Variants in LCOR observed in about 807,000 individuals in gnomAD.
LCOR encodes the protein ligand dependent nuclear receptor corepressor.
LCOR carries 14 observed loss-of-function variants against 64.4 expected under a neutral mutation model. The observed-to-expected ratio is 0.22, with a 90% confidence interval of 0.14 to 0.34. LCOR has a LOEUF of 0.34. Among genes scored for constraint, LCOR ranks in the 10% least tolerant of loss-of-function variants. LCOR has a pLI of 1.00. For synonymous variants in LCOR, 643 were observed against 642.5 expected, an observed-to-expected ratio of 1.00 and a Z score of -0.01; for missense variants, 1,686 against 1,765.3, an observed-to-expected ratio of 0.96 and a Z score of 0.80.
intron 5 of LCOR, 130 bp from the exon 6 acceptor site, chr10:96,948,878 T>G: frequency 1.7e-6 from 1 of 605,294 alleles, no homozygotes; most frequent in Non-Finnish European, 2.7e-6. Flanking sequence ...AAAACATAAG[T>G]CAAAGGGGAG....
rs892486565 is a variant in LCOR at position 96,990,474 on chromosome 10, A to G, written c.*5340A>G. 5.9e-5 allele frequency: 9 copies of G among 152,002 alleles called. No individual in the cohort carries two copies. Among genetic ancestry groups the G allele is most frequent in the Non-Finnish European group, 8.8e-5 (6 of 68,008 alleles). The allele number at this position is 152,002 out of a possible 1,614,324, so 9.4% of individuals were successfully genotyped here. A position where few individuals can be genotyped will look rare whatever the true frequency, so the allele number is the denominator to read the frequency against. On this transcript the variant is annotated 3_prime_UTR_variant, in exon 8 of 8. Transcript: ENST00000421806. ...GAAGTCTTTTGAGGCAGCCTTCAAT[A>G]TAATTCATCCTTTGAAACATCAGAA...
chr10:96,892,320 CTT>C (rs911921466), intron 2 of LCOR, among the ~76,000 whole-genome samples: 4 of 152,188 alleles, frequency 2.6e-5, no homozygotes, highest in South Asian at 2.1e-4. Flanking sequence ...TTGATTGACT[CTT>C]ATCATTATAT....
chr10:96,961,601 G>T (rs1312860949), intron 7 of LCOR: 5 of 151,278 alleles, frequency 3.3e-5, no homozygotes, highest in African/African-American at 1.2e-4. Flanking sequence ...TCCTTGTTCT[G>T]CATAATTGCA....
chr10:96,963,308 TAGCC>T (rs1243283285), intron 7 of LCOR: 2 of 152,242 alleles, frequency 1.3e-5, no homozygotes, highest in Non-Finnish European at 2.9e-5. Flanking sequence ...ATGCCACTAA[TAGCC>T]AGCACAACTA....
At chr10:96,908,491 ACTT>A (rs752560409) in intron 4 of LCOR, among the ~76,000 whole-genome samples, 115 of 152,164 alleles carry the variant, frequency 7.6e-4, no homozygotes, top group African/African-American at 1.4e-3. Context: ...ACTTTAAGAC[ACTT>A]CTTCATAATA....
chr10:96,881,859 T>C (rs1286859899), intron 2 of LCOR, among the ~76,000 whole-genome samples: 3 of 152,368 alleles, frequency 2.0e-5, no homozygotes, highest in African/African-American at 2.4e-5. Context: ...CCATGTGATC[T>C]GTCTTCCATT....
chr10:96,894,347 G>A (rs1846501487), intron 2 of LCOR, among the ~76,000 whole-genome samples: 3 of 152,148 alleles, frequency 2.0e-5, no homozygotes, highest in Non-Finnish European at 2.9e-5. Flanking sequence ...AAAGTGCTGG[G>A]ATTATAGGCA....
chr10:96,901,591 C>G (rs1846638569), intron 2 of LCOR, among the ~76,000 whole-genome samples: 1 of 152,156 alleles, frequency 6.6e-6, no homozygotes, highest in African/African-American at 2.4e-5. Flanking sequence ...TTGTTTCCTT[C>G]TAAATTTTTA....
At chr10:96,834,183 CTG>C (rs1845400158) in intron 2 of LCOR, among the ~76,000 whole-genome samples, 1 of 152,352 alleles carries the variant, frequency 6.6e-6, no homozygotes, top group South Asian at 2.1e-4. Flanking sequence ...AGGATTTAGA[CTG>C]TAACACCGAA....
rs1485117847 is a variant in LCOR at position 96,993,617 on chromosome 10, T to A, written c.*8483T>A. 1 of 152,006 alleles carries A rather than the reference T, an allele frequency of 6.6e-6. No homozygotes were observed. Among genetic ancestry groups the A allele is most frequent in the Non-Finnish European group, 1.5e-5 (1 of 68,010 alleles). The allele number at this position is 152,006 out of a possible 1,614,324, so 9.4% of individuals were successfully genotyped here. ...TATATTTTGAGCAGTGGACTTCCTTTCATAACACAGTTCACACATGGAGAA... is the reference window on the plus strand; with the variant it reads ...TATATTTTGAGCAGTGGACTTCCTTACATAACACAGTTCACACATGGAGAA... On this transcript the variant is annotated 3_prime_UTR_variant, in exon 8 of 8. Transcript: ENST00000421806.
chr10:96,981,365 A>C lies in LCOR; in HGVS notation c.905A>C (p.Asn302Thr). ...TTGQEQDTNV[N>T]ICEDGKDHMQ... is the part of the protein sequence containing the mutation. The stretch of plus-strand genomic sequence containing the variant: ...GGACAAGAGCAAGACACAAATGTGA[A>C]CATATGTGAGGATGGTAAAGACCAT... The change falls in exon 8 of 8, where the codon AAC becomes ACC. Residue 302 changes from asparagine (N) to threonine (T), a missense_variant. Transcript: ENST00000421806. The C allele has an allele frequency of 6.2e-7, 1 of 1,614,096 alleles. No individual in the cohort carries two copies. The highest frequency in any genetic ancestry group is 8.5e-7 in the Non-Finnish European group (1 of 1,180,030).
At chr10:96,849,061 C>CTTTTTTTTTTT (rs67974828) in intron 2 of LCOR, among the ~76,000 whole-genome samples, 2 of 33,836 alleles carry the variant, frequency 5.9e-5, no homozygotes, top group African/African-American at 9.4e-5. Flanking sequence ...GGCTAATTGT[C>CTTTTTTTTTTT]TTTTTTTTTT....
intron 7 of LCOR, among the ~76,000 whole-genome samples, chr10:96,969,511 A>G (rs902906771): frequency 2.6e-5 from 4 of 152,220 alleles, no homozygotes; most frequent in African/African-American, 7.2e-5. Flanking sequence ...AATTTTTTGT[A>G]TACTTTAAGG....
intron 2 of LCOR, among the ~76,000 whole-genome samples, chr10:96,876,793 A>G (rs979350724): frequency 1.3e-5 from 2 of 151,958 alleles, no homozygotes; most frequent in Admixed American, 1.3e-4. Context: ...GGGTTCAGTG[A>G]TTCTCCTGCC....
intron 2 of LCOR, among the ~76,000 whole-genome samples, chr10:96,857,090 A>G (rs1845818523): frequency 6.8e-6 from 1 of 146,192 alleles, no homozygotes; most frequent in Admixed American, 6.7e-5. Context: ...ATATATATGT[A>G]TATATATGTG....
chr10:96,897,395 T>C (rs890407222), intron 2 of LCOR, among the ~76,000 whole-genome samples: 1 of 152,214 alleles, frequency 6.6e-6, no homozygotes, highest in African/African-American at 2.4e-5. Flanking sequence ...ACTGATGTAA[T>C]TGACTCATTC....
At chr10:96,897,193 A>T (rs541278248) in intron 2 of LCOR, among the ~76,000 whole-genome samples, 16 of 152,188 alleles carry the variant, frequency 1.1e-4, no homozygotes, top group Admixed American at 2.0e-4. Flanking sequence ...TGTAAAAAAG[A>T]TATTATGGAT....
intron 4 of LCOR, among the ~76,000 whole-genome samples, chr10:96,938,852 A>C (rs1847398048): frequency 6.6e-6 from 1 of 152,252 alleles, no homozygotes; most frequent in Non-Finnish European, 1.5e-5. Flanking sequence ...GTTGTAAATT[A>C]CAAAATGTTA....
At chr10:96,837,217 G>C (rs530794931) in intron 2 of LCOR, among the ~76,000 whole-genome samples, 40 of 152,054 alleles carry the variant, frequency 2.6e-4, no homozygotes, top group South Asian at 1.3e-3. Context: ...GTCTTGATCT[G>C]CTGACCTCGT....
Sources: gnomAD v4.1 joint callset for allele counts (sites outside exome capture counted in the v4.1 genomes callset) on GRCh38, gnomAD v4.1.1 for gene constraint, MANE v1.5 for transcripts, NCBI Gene and HGNC (gene_info 2026-07-23, HGNC 2026-07-21) for gene names.